The following LRRN4 variants were observed in gnomAD, a reference collection of about 807,000 sequenced individuals.
The protein encoded by LRRN4 is leucine-rich repeat neuronal protein 4.
Under a neutral mutation model 22.3 loss-of-function variants are expected in LRRN4, and 26 were observed. That is an observed-to-expected ratio of 1.16 (90% CI 0.85 to 1.62). LRRN4 has a LOEUF of 1.62. Ranked by LOEUF, LRRN4 falls within the 40% of genes most tolerant of loss-of-function variation. LRRN4 has a pLI of 0.00. For synonymous variants in LRRN4, 496 were observed against 486.2 expected, an observed-to-expected ratio of 1.02 and a Z score of -0.26; for missense variants, 1,070 against 1,008.5, an observed-to-expected ratio of 1.06 and a Z score of -0.83.
In LRRN4 at chr20:6,041,295, G is replaced by T; in HGVS notation, c.1950C>A (p.Cys650Ter). The change falls in exon 5 of 5, where the codon TGC (cysteine) becomes TGA (stop). Residue 650 changes from cysteine (C) to a stop codon, truncating the protein, a stop_gained. Coordinates refer to ENST00000378858, the MANE Select transcript of LRRN4 (RefSeq NM_152611.5). LOFTEE classifies it low-confidence loss of function (END_TRUNC). This position sits in a 1 kb window ranked among gnomAD's most constrained non-coding sequence, Gnocchi z 9.4. The part of the protein sequence containing the change: ...GLSPGTTYRV[C>*]VLAANRAGLS... The stretch of plus-strand genomic sequence containing the variant: ...AGCCCGCCCTGTTGGCCGCCAGCAC[G>T]CACACGCGGTAGGTGGTGCCCGGCG... 6.3e-7 allele frequency: 1 copy of T among 1,593,706 alleles called. No homozygotes were observed. The highest frequency in any genetic ancestry group is 8.5e-7 in the Non-Finnish European group (1 of 1,173,442).
Position 6,041,019 on chromosome 20 carries a change from G to A in LRRN4, c.*3C>T, listed in dbSNP as rs1316691850. The A allele has an allele frequency of 6.2e-7, 1 of 1,613,752 alleles. No individual in the cohort carries two copies. Among genetic ancestry groups the A allele is most frequent in the Non-Finnish European group, 8.5e-7 (1 of 1,179,964 alleles). ...GATGAGACGCGTTATCCCAGAAGCT[G>A]GGCTAACTGACGGTCTGGAGCCCCA... is the stretch of plus-strand genomic sequence containing the variant. On this transcript the variant is annotated 3_prime_UTR_variant, in exon 5 of 5. Coordinates refer to ENST00000378858, the MANE Select transcript of LRRN4 (RefSeq NM_152611.5). This position sits in a 1 kb window ranked among gnomAD's most constrained non-coding sequence, Gnocchi z 9.4.
chr20:6,047,581 T>C (rs374072497), intron 3 of LRRN4, among the ~76,000 whole-genome samples: 6 of 148,872 alleles, frequency 4.0e-5, no homozygotes, highest in South Asian at 2.1e-4. Context: ...GGTTAGGAGA[T>C]AGAGACCATT....
Position 6,042,258 on chromosome 20 carries a change from G to T in LRRN4, c.999-12C>A. ...TAGTGTCTGCTGCCCTGGAGGGGAG[G>T]CCAACCAGTTAGAAGACGTCTGGCT... On this transcript the variant is annotated splice_polypyrimidine_tract_variant and intron_variant, in intron 4 of 4. Coordinates refer to ENST00000378858, the MANE Select transcript of LRRN4 (RefSeq NM_152611.5). 2 of 1,597,802 alleles carry T rather than the reference G, an allele frequency of 1.3e-6. No individual in the cohort carries two copies. Among genetic ancestry groups the T allele is most frequent in the Non-Finnish European group, 1.7e-6 (2 of 1,172,138 alleles).
Position 6,052,688 on chromosome 20 carries a change from T to TC in LRRN4, c.111dup (p.Ser38GlufsTer180). On this transcript the variant is annotated frameshift_variant, in exon 2 of 5. Coordinates refer to ENST00000378858, the MANE Select transcript of LRRN4 (RefSeq NM_152611.5). LOFTEE classifies it high-confidence loss of function. ...GAGTCGGTGGCGTTGCTGCCACTGC[T>TC]CCCCCAGGGGCCCTGCTGAGTGACC... The TC allele has an allele frequency of 5.7e-6, 9 of 1,573,428 alleles. No individual in the cohort carries two copies. The highest frequency in any genetic ancestry group is 7.7e-6 in the Non-Finnish European group (9 of 1,167,332).
At chr20:6,050,649 A>G in intron 3 of LRRN4, 130 bp downstream of exon 3, 1 of 946,936 alleles carries the variant, frequency 1.1e-6, no homozygotes, top group East Asian at 2.4e-5. Flanking sequence ...GTGGGGGAAA[A>G]CAAAGCCCCA....
At chr20:6,050,486 C>T (rs1440596465) in intron 3 of LRRN4, among the ~76,000 whole-genome samples, 8 of 152,222 alleles carry the variant, frequency 5.3e-5, no homozygotes, top group Admixed American at 3.9e-4. Context: ...GTCCTCCTCA[C>T]CTCTTCCCAC....
Position 6,052,263 on chromosome 20 carries a change from G to T in LRRN4, c.537C>A (p.Cys179Ter), listed in dbSNP as rs371864241. The change falls in exon 2 of 5, where the codon TGC becomes TGA. Residue 179 changes from cysteine (C) to a stop codon, truncating the protein, a stop_gained. Transcript: ENST00000378858. LOFTEE classifies it high-confidence loss of function. ...CCTGGGCTCCGCGACCCAGCGCGGTGCAGGAGAGGTTGAGGAGCTGCAGCG... is the reference window on the plus strand; with the variant it reads ...CCTGGGCTCCGCGACCCAGCGCGGTTCAGGAGAGGTTGAGGAGCTGCAGCG... The part of the protein sequence containing the change: ...FPALQLLNLS[C>*]TALGRGAQGG... 1.9e-6 allele frequency: 3 copies of T among 1,553,086 alleles called. No individual in the cohort carries two copies. In the African/African-American group the frequency reaches 4.1e-5, roughly 21 times the overall value.
At position 6,041,180 on chromosome 20, in the gene LRRN4, C is replaced by G; in HGVS notation, c.2065G>C (p.Ala689Pro). Residue 689 changes from alanine (A) to proline (P), a missense_variant, in exon 5 of 5, where the codon GCC becomes CCC. Physicochemically the swap from Ala to Pro is conservative, Grantham distance 27. Transcript: ENST00000378858. This position sits in a 1 kb window ranked among gnomAD's most constrained non-coding sequence, Gnocchi z 9.4. ...CTGGCGAGCAACAGGCCGCTGGCGGCGCACAGCCCAGAGAGCAGGAGCGCG... is the reference window on the plus strand; with the variant it reads ...CTGGCGAGCAACAGGCCGCTGGCGGGGCACAGCCCAGAGAGCAGGAGCGCG... ...SFALLLSGLC[A>P]ASGLLLASTV... 1 of 1,597,900 alleles carries G rather than the reference C, an allele frequency of 6.3e-7. No homozygotes were observed. Among genetic ancestry groups the G allele is most frequent in the Non-Finnish European group, 8.5e-7 (1 of 1,171,880 alleles).
rs373446115 is a variant in LRRN4, at chr20:6,051,380, A to T, written c.656-397T>A. Among the ~76,000 whole-genome samples the T allele has an allele frequency of 1.3e-3, 200 of 152,296 alleles. 2 individuals are homozygous for T. The highest frequency in any genetic ancestry group is 4.7e-3 in the African/African-American group (196 of 41,572). On this transcript the variant is annotated intron_variant, in intron 2 of 4. Transcript: ENST00000378858. ...TGTCAAGTGTGGGGAACTTCTGCGG[A>T]ACGTAATTAAGGAGGCGAGGGGCCC...
intron 2 of LRRN4, 62 bp from the exon 3 acceptor site, chr20:6,051,045 G>A (rs866859615): frequency 2.0e-5 from 29 of 1,458,670 alleles, no homozygotes; most frequent in Middle Eastern, 2.3e-4. Flanking sequence ...AGGCCAGCAC[G>A]GCATGAAGGA....
intron 2 of LRRN4, among the ~76,000 whole-genome samples, chr20:6,051,223 T>C (rs1300483517): frequency 1.3e-5 from 2 of 152,204 alleles, no homozygotes; most frequent in Non-Finnish European, 2.9e-5. Flanking sequence ...AGGGGATTGA[T>C]TGGCCCAAGG....
rs1255622916 is a variant in LRRN4 at position 6,052,783 on chromosome 20, G to A, written c.17C>T (p.Pro6Leu). 1 of 1,571,468 alleles carries A rather than the reference G, an allele frequency of 6.4e-7. No homozygotes were observed. The highest frequency in any genetic ancestry group is 2.3e-5 in the East Asian group (1 of 43,622). Reference sequence around the variant, plus strand: ...GCGCAGCACCGTCAGCAGCAGCAGCGGTAGGGTTTGCCGCATGGCGTCTGG... The same window carrying A: ...GCGCAGCACCGTCAGCAGCAGCAGCAGTAGGGTTTGCCGCATGGCGTCTGG... MRQTL[P>L]LLLLTVLRPS... The change falls in exon 2 of 5, where the codon CCG becomes CTG. Residue 6 changes from proline to leucine, a missense_variant. Coordinates refer to ENST00000378858, the MANE Select transcript of LRRN4 (RefSeq NM_152611.5).
rs1031423029 is a variant in LRRN4 at position 6,045,428 on chromosome 20, A to C, written c.861-748T>G. ...CCTCCAGGATAGGCAGGAGAGTGAGACCCTGTCTCAAAAAATAAAACAAAA... is the reference window on the plus strand; with the variant it reads ...CCTCCAGGATAGGCAGGAGAGTGAGCCCCTGTCTCAAAAAATAAAACAAAA... On this transcript the variant is annotated intron_variant, in intron 3 of 4. Transcript: ENST00000378858. Among the ~76,000 whole-genome samples, 6 of 148,594 alleles carry C rather than the reference A, an allele frequency of 4.0e-5. 2 individuals carry two copies. The highest frequency in any genetic ancestry group is 1.4e-4 in the Admixed American group (2 of 14,790).
intron 3 of LRRN4, 105 bp downstream of exon 3, chr20:6,050,674 G>C: frequency 9.1e-7 from 1 of 1,102,538 alleles, no homozygotes; most frequent in South Asian, 1.3e-5. Flanking sequence ...GGATTTGGAA[G>C]AGTAGTGGGA....
At chr20:6,042,784 TG>T (rs970711681) in intron 4 of LRRN4, among the ~76,000 whole-genome samples, 3 of 151,958 alleles carry the variant, frequency 2.0e-5, no homozygotes, top group Non-Finnish European at 4.4e-5. Context: ...CCGGGCATGG[TG>T]GCGGGTGCCT....
At chr20:6,045,439 A>AAAAAC (rs1555796758) in intron 3 of LRRN4, among the ~76,000 whole-genome samples, 4 of 148,746 alleles carry the variant, frequency 2.7e-5, no homozygotes, top group African/African-American at 9.8e-5. Flanking sequence ...CCCTGTCTCA[A>AAAAAC]AAAATAAAAC....
rs116777692 is a variant in LRRN4, at chr20:6,041,057, C to T, written c.2188G>A (p.Asp730Asn). ...HLVAYKNPAF[D>N]DYPLGLQTVS ...GTCTGGAGCCCCAGCGGGTAATCATCAAAGGCCGGGTTTTTGTAGGCCACC... is the reference window on the plus strand; with the variant it reads ...GTCTGGAGCCCCAGCGGGTAATCATTAAAGGCCGGGTTTTTGTAGGCCACC... Residue 730 changes from aspartate (D) to asparagine (N), a missense_variant, in exon 5 of 5, where the codon GAT becomes AAT. By Grantham distance (23) the Asp-to-Asn change is conservative (BLOSUM62 1). Coordinates refer to ENST00000378858, the MANE Select transcript of LRRN4 (RefSeq NM_152611.5). The surrounding 1 kb of genome is among the most constrained non-coding windows in gnomAD (Gnocchi z 9.4). 2,459 of 1,613,928 alleles carry T rather than the reference C, an allele frequency of 1.5e-3. 38 individuals carry two copies. In the African/African-American group the frequency reaches 0.03, roughly 20 times the overall value.
At chr20:6,046,020 A>G (rs751977445) in intron 3 of LRRN4, among the ~76,000 whole-genome samples, 2 of 149,172 alleles carry the variant, frequency 1.3e-5, no homozygotes, top group African/African-American at 2.4e-5. Flanking sequence ...AGACTCCTTG[A>G]AATATGGGGC....
intron 3 of LRRN4, 33 bp from the exon 4 acceptor site, chr20:6,044,713 G>T (rs771584702): frequency 5.4e-6 from 8 of 1,470,112 alleles, no homozygotes; most frequent in South Asian, 4.6e-5. Context: ...AATTAAGTCA[G>T]GTTTTTACAA....
Sources: allele counts gnomAD v4.1 joint callset (sites outside exome capture counted in the v4.1 genomes callset), GRCh38; gene constraint gnomAD v4.1.1; non-coding constraint Gnocchi (gnomAD v3.1); transcripts MANE v1.5; gene names NCBI Gene and HGNC (gene_info 2026-07-23, HGNC 2026-07-21).